SPATC1L: variants seen among roughly 807,000 people sequenced by gnomAD.
SPATC1L encodes the protein speriolin-like protein.
Under a neutral mutation model 21.2 loss-of-function variants are expected in SPATC1L, and 20 were observed. That is an observed-to-expected ratio of 0.94 (90% CI 0.66 to 1.37). The LOEUF is 1.37. Ranked by LOEUF, SPATC1L falls within the 40% of genes most tolerant of loss-of-function variation. SPATC1L has a pLI of 0.00. For synonymous variants in SPATC1L, 290 were observed against 234.5 expected (o/e 1.24, Z -2.16); for missense variants, 499 against 478.7 (o/e 1.04, Z -0.40).
At chr21:46,162,088 G>T (rs755903686) in intron 3 of SPATC1L, 21 bp from the exon 4 acceptor site, 1 of 1,555,570 alleles carries the variant, frequency 6.4e-7, no homozygotes, top group South Asian at 1.2e-5. Context: ...GAAGGCCGGG[G>T]ACAAGGTCAG....
intron 2 of SPATC1L, among the ~76,000 whole-genome samples, chr21:46,181,437 G>A (rs1335764971): frequency 6.6e-6 from 1 of 152,200 alleles, no homozygotes; most frequent in African/African-American, 2.4e-5. Flanking sequence ...CAAAGGTGTG[G>A]GGACGATGCC....
intron 3 of SPATC1L, 108 bp downstream of exon 3, chr21:46,168,200 G>T (rs2079553811): frequency 1.5e-6 from 1 of 681,640 alleles, no homozygotes; most frequent in Non-Finnish European, 2.4e-6. Context: ...CCTCCACTCT[G>T]TGTGACTGGA....
At chr21:46,166,807 A>T (rs1262267639) in intron 3 of SPATC1L, among the ~76,000 whole-genome samples, 1 of 152,236 alleles carries the variant, frequency 6.6e-6, no homozygotes, top group African/African-American at 2.4e-5. Flanking sequence ...AAATCGAGAG[A>T]CAGACCCCAG....
rs374819628 is a variant in SPATC1L, at chr21:46,162,106, C to T, written c.545-39G>A. On this transcript the variant is annotated intron_variant, in intron 3 of 4. Coordinates refer to ENST00000291672, the MANE Select transcript of SPATC1L (RefSeq NM_001142854.2). The stretch of plus-strand genomic sequence containing the variant: ...GGCCGGGGACAAGGTCAGGGGAGCG[C>T]GAGGATCCACTGCCCTCGAGGGTGC... The T allele has an allele frequency of 3.5e-5, 54 of 1,523,956 alleles. No homozygotes were observed. The East Asian group carries it at 6.5e-4, about 18-fold the overall frequency. 94.4% of individuals were successfully genotyped at this position (1,523,956 alleles called of 1,614,324 possible). A position where few individuals can be genotyped will look rare whatever the true frequency, so the allele number is the denominator to read the frequency against.
intron 2 of SPATC1L, among the ~76,000 whole-genome samples, chr21:46,169,288 TG>T (rs1227022269): frequency 7.8e-6 from 1 of 128,688 alleles, no homozygotes; most frequent in Non-Finnish European, 1.9e-5. Context: ...CCCCCTGCTC[TG>T]TGAACATCCT....
chr21:46,168,544 G>A lies in SPATC1L; in HGVS notation c.308C>T (p.Ser103Phe). 4 of 1,515,948 alleles carry A rather than the reference G, an allele frequency of 2.6e-6. No individual in the cohort carries two copies. The highest frequency in any genetic ancestry group is 3.6e-6 in the Non-Finnish European group (4 of 1,120,432). The allele number at this position is 1,515,948 out of a possible 1,614,324, so 93.9% of individuals were successfully genotyped here. The part of the protein sequence containing the change: ...HAPLSSEDDT[S>F]PGCAAPSQAP... ...CTGGGAGGGGGCTGCACAGCCCGGG[G>A]AGGTGTCGTCCTCGCTGGACAGGGG... Residue 103 changes from serine (S) to phenylalanine (F), a missense_variant, in exon 3 of 5, where the codon TCC (serine) becomes TTC (phenylalanine). Coordinates refer to ENST00000291672, the MANE Select transcript of SPATC1L (RefSeq NM_001142854.2).
chr21:46,161,871 G>A (rs916456355), intron 4 of SPATC1L, 45 bp downstream of exon 4: 13 of 1,588,870 alleles, frequency 8.2e-6, no homozygotes, highest in Admixed American at 1.7e-5. Flanking sequence ...GGGACGGACC[G>A]AGCGCCCCGC....
chr21:46,181,676 C>T (rs1004855100), intron 2 of SPATC1L, among the ~76,000 whole-genome samples: 2 of 152,162 alleles, frequency 1.3e-5, no homozygotes, highest in African/African-American at 2.4e-5. Flanking sequence ...GCTGGCCTCC[C>T]GGGCATGGCT....
chr21:46,177,240 C>A (rs1254187590), intron 2 of SPATC1L, among the ~76,000 whole-genome samples: 2 of 152,132 alleles, frequency 1.3e-5, no homozygotes, highest in East Asian at 3.9e-4. Context: ...AAAGCAATTG[C>A]AACAAAAGCA....
chr21:46,168,212 G>T, intron 3 of SPATC1L, 96 bp downstream of exon 3: 1 of 773,598 alleles, frequency 1.3e-6, no homozygotes, highest in Non-Finnish European at 2.0e-6. Context: ...GTGACTGGAT[G>T]GAGAAACGGC....
At chr21:46,182,234 C>T (rs541752505) in intron 2 of SPATC1L, among the ~76,000 whole-genome samples, 15 of 152,298 alleles carry the variant, frequency 9.8e-5, no homozygotes, top group African/African-American at 2.4e-4. Flanking sequence ...ACACCCCCCT[C>T]GCCCCTGACC....
At chr21:46,166,640 T>G (rs1446973939) in intron 3 of SPATC1L, among the ~76,000 whole-genome samples, 1 of 152,074 alleles carries the variant, frequency 6.6e-6, no homozygotes, top group Admixed American at 6.5e-5. Context: ...CATAGTTATA[T>G]CAAAGTGGAT....
intron 2 of SPATC1L, among the ~76,000 whole-genome samples, chr21:46,180,747 G>A (rs948016864): frequency 1.3e-5 from 2 of 152,212 alleles, no homozygotes; most frequent in Admixed American, 6.5e-5. Context: ...AGAGTTTAGA[G>A]GGTGGTCTTG....
At chr21:46,181,954 A>G (rs952331608) in intron 2 of SPATC1L, among the ~76,000 whole-genome samples, 1 of 152,206 alleles carries the variant, frequency 6.6e-6, no homozygotes, top group African/African-American at 2.4e-5. Flanking sequence ...AAAGCCTACT[A>G]CTTTGCAGAA....
intron 2 of SPATC1L, among the ~76,000 whole-genome samples, chr21:46,178,749 T>C (rs1401381894): frequency 1.3e-5 from 2 of 151,864 alleles, no homozygotes; most frequent in South Asian, 4.2e-4. Flanking sequence ...TAGCCAGGCA[T>C]GGTGGTGTGT....
At chr21:46,163,202 T>G (rs7280396) in intron 3 of SPATC1L, among the ~76,000 whole-genome samples, 16,071 of 152,274 alleles carry the variant, frequency 0.11, 1,487 homozygotes, top group African/African-American at 0.25. Flanking sequence ...TGTTGAATTG[T>G]CAGAGTTCTT....
Position 46,162,113 on chromosome 21 carries a change from C to T in SPATC1L, c.545-46G>A, listed in dbSNP as rs779058483. The T allele has an allele frequency of 1.4e-5, 21 of 1,512,178 alleles. No homozygotes were observed. The South Asian group carries it at 2.5e-4, about 18-fold the overall frequency. 93.7% of individuals were successfully genotyped at this position (1,512,178 alleles called of 1,614,324 possible). A position where few individuals can be genotyped will look rare whatever the true frequency, so the allele number is the denominator to read the frequency against. ...GACAAGGTCAGGGGAGCGCGAGGAT[C>T]CACTGCCCTCGAGGGTGCCCTCGGC... On this transcript the variant is annotated intron_variant, in intron 3 of 4. Coordinates refer to ENST00000291672, the MANE Select transcript of SPATC1L (RefSeq NM_001142854.2).
At chr21:46,162,181 G>A (rs929873771) in intron 3 of SPATC1L, 114 bp from the exon 4 acceptor site, 7 of 1,189,006 alleles carry the variant, frequency 5.9e-6, no homozygotes, top group East Asian at 5.2e-5. Context: ...CCCACCTGCC[G>A]CCACCCCCCA....
At chr21:46,166,801 C>T (rs918557124) in intron 3 of SPATC1L, among the ~76,000 whole-genome samples, 2 of 152,124 alleles carry the variant, frequency 1.3e-5, no homozygotes, top group Non-Finnish European at 2.9e-5. Context: ...AGAGCTAAAT[C>T]GAGAGACAGA....
Sources: gnomAD v4.1 joint callset for allele counts (sites outside exome capture counted in the v4.1 genomes callset) on GRCh38, gnomAD v4.1.1 for gene constraint, MANE v1.5 for transcripts, NCBI Gene and HGNC (gene_info 2026-07-23, HGNC 2026-07-21) for gene names.